TSHZ3: variants seen among roughly 807,000 people sequenced by gnomAD.
TSHZ3 encodes teashirt homolog 3.
A neutral mutation model predicts 64.5 loss-of-function variants in TSHZ3; 10 were observed. The ratio of observed to expected loss-of-function variants is 0.16; its 90% CI spans 0.10 to 0.26. The LOEUF is 0.26. TSHZ3 is among the 10% of genes least tolerant of loss of function. TSHZ3 has a pLI of 1.00. For missense variants in TSHZ3, 1,242 were observed against 1,421.7 expected (o/e 0.87, Z 2.03); for synonymous variants, 608 against 593.1 (o/e 1.03, Z -0.36).
At chr19:31,327,877 G>C (rs1916976257) in intron 1 of TSHZ3, among the ~76,000 whole-genome samples, 1 of 152,168 alleles carries the variant, frequency 6.6e-6, no homozygotes, top group Non-Finnish European at 1.5e-5. Context: ...TCTCTTATTT[G>C]TTTAGTGTTC....
intron 5 of TSHZ3, among the ~76,000 whole-genome samples, chr19:31,200,886 C>A (rs939065020): frequency 6.6e-6 from 1 of 151,702 alleles, no homozygotes; most frequent in Admixed American, 6.6e-5. Context: ...GAATCCAAAA[C>A]TACTCTGAAA....
At chr19:31,350,332 G>A (rs1487054757), upstream of TSHZ3, among the ~76,000 whole-genome samples, 2 of 151,688 alleles carry the variant, frequency 1.3e-5, no homozygotes, top group Non-Finnish European at 2.9e-5. Context: ...ACTTTCCTGG[G>A]CCCGTCCCGG....
intron 1 of TSHZ3, among the ~76,000 whole-genome samples, chr19:31,342,265 C>T (rs1279677812): frequency 6.6e-6 from 1 of 152,180 alleles, no homozygotes; most frequent in African/African-American, 2.4e-5. Context: ...TCTCTAGCAG[C>T]AATGCCACAC....
chr19:31,327,720 A>C (rs1185308099), intron 1 of TSHZ3, among the ~76,000 whole-genome samples: 1 of 152,228 alleles, frequency 6.6e-6, no homozygotes, highest in Non-Finnish European at 1.5e-5. Flanking sequence ...AAAGGCAATA[A>C]TATGATAGTA....
rs1976333243 is a variant in TSHZ3 at position 31,279,932 on chromosome 19, A to C, written c.41-180T>G. Reference sequence around the variant, plus strand: ...CATGTATTTGTAAAATTAAACAGTTAAAATGTGGTGTTTCTTTGGAGCAAA... The same window carrying C: ...CATGTATTTGTAAAATTAAACAGTTCAAATGTGGTGTTTCTTTGGAGCAAA... On this transcript the variant is annotated intron_variant, in intron 1 of 1. Coordinates refer to ENST00000240587, the MANE Select transcript of TSHZ3 (RefSeq NM_020856.4). This position sits in a 1 kb window ranked among gnomAD's most constrained non-coding sequence, Gnocchi z 6.4. 2.0e-5 allele frequency among the ~76,000 whole-genome samples: 3 copies of C among 147,504 alleles called. No homozygotes were observed. In the South Asian group the frequency reaches 6.8e-4, roughly 34 times the overall value.
intron 4 of TSHZ3, among the ~76,000 whole-genome samples, chr19:31,218,024 C>G (rs934381782): frequency 3.3e-5 from 5 of 152,124 alleles, no homozygotes; most frequent in African/African-American, 1.2e-4. Flanking sequence ...AAGGCACATT[C>G]CGTGAAAGAG....
intron 1 of TSHZ3, among the ~76,000 whole-genome samples, chr19:31,325,273 T>C (rs1180700848): frequency 6.6e-6 from 1 of 152,178 alleles, no homozygotes; most frequent in African/African-American, 2.4e-5. Context: ...GGGAATGACA[T>C]GTGAACTTAG....
chr19:31,173,091 C>T (rs922088639), intron 5 of TSHZ3, among the ~76,000 whole-genome samples: 2 of 152,158 alleles, frequency 1.3e-5, no homozygotes, highest in Admixed American at 1.3e-4. Context: ...TTATCTGACT[C>T]TTATTTGAAA....
chr19:31,263,693 C>G (rs138403465), intron 1 of TSHZ3, among the ~76,000 whole-genome samples: 6 of 152,014 alleles, frequency 3.9e-5, no homozygotes, highest in Admixed American at 6.6e-5. Context: ...TCCTGTGGGT[C>G]CCCCCCACTC....
intron 1 of TSHZ3, among the ~76,000 whole-genome samples, chr19:31,304,126 C>T (rs1247738742): frequency 1.3e-5 from 2 of 152,132 alleles, no homozygotes; most frequent in East Asian, 3.9e-4. Context: ...AGGCGCGCAC[C>T]ACCACGCCCA....
intron 5 of TSHZ3, among the ~76,000 whole-genome samples, chr19:31,170,116 T>C (rs1042056921): frequency 2.0e-5 from 3 of 152,198 alleles, no homozygotes; most frequent in Non-Finnish European, 4.4e-5. Context: ...CTGTTGCTGA[T>C]TGGGGACAAA....
intron 5 of TSHZ3, among the ~76,000 whole-genome samples, chr19:31,166,681 C>T (rs538993491): frequency 3.4e-4 from 51 of 152,146 alleles, no homozygotes; most frequent in Non-Finnish European, 4.7e-4. Context: ...GTCAAGATGC[C>T]GGTGCTGGGA....
intron 4 of TSHZ3, among the ~76,000 whole-genome samples, chr19:31,215,155 T>C (rs1344794040): frequency 6.6e-6 from 1 of 152,156 alleles, no homozygotes; most frequent in East Asian, 1.9e-4. Flanking sequence ...TGTGGCGCTA[T>C]ATCATGTCAA....
chr19:31,331,778 C>T (rs1296386752), intron 1 of TSHZ3, among the ~76,000 whole-genome samples: 2 of 152,180 alleles, frequency 1.3e-5, no homozygotes, highest in Non-Finnish European at 2.9e-5. Flanking sequence ...TTGATTTTCA[C>T]AGAACGTCCA....
intron 4 of TSHZ3, among the ~76,000 whole-genome samples, chr19:31,218,288 G>A (rs62101210): frequency 1 from 152,334 of 152,334 alleles, 76,167 homozygotes; most frequent in Non-Finnish European, 1. Flanking sequence ...AAATACCTAT[G>A]TCATATGTCC....
chr19:31,183,718 T>C (rs895979395), intron 5 of TSHZ3, among the ~76,000 whole-genome samples: 1 of 152,100 alleles, frequency 6.6e-6, no homozygotes, highest in African/African-American at 2.4e-5. Context: ...CACCCTCTGC[T>C]GTAGGGAGCT....
chr19:31,176,649 G>T (rs1364591187), intron 5 of TSHZ3, among the ~76,000 whole-genome samples: 1 of 152,090 alleles, frequency 6.6e-6, no homozygotes, highest in Non-Finnish European at 1.5e-5. Flanking sequence ...AATTATCCAG[G>T]CATGGTGACA....
intron 5 of TSHZ3, among the ~76,000 whole-genome samples, chr19:31,156,882 A>G (rs535946103): frequency 2.0e-5 from 3 of 152,282 alleles, no homozygotes; most frequent in African/African-American, 7.2e-5. Context: ...AAGTTACGGC[A>G]CTGAGAAGGT....
chr19:31,290,514 A>C (rs1486480850), intron 1 of TSHZ3, among the ~76,000 whole-genome samples: 1 of 152,028 alleles, frequency 6.6e-6, no homozygotes, highest in Non-Finnish European at 1.5e-5. Flanking sequence ...CAGGGAGAAA[A>C]AAAGGGTTCT....
Sources: gnomAD v4.1 joint callset for allele counts (sites outside exome capture counted in the v4.1 genomes callset) on GRCh38, gnomAD v4.1.1 for gene constraint, Gnocchi (gnomAD v3.1) non-coding constraint, MANE v1.5 for transcripts, NCBI Gene and HGNC (gene_info 2026-07-23, HGNC 2026-07-21) for gene names.